CTNND2: variants seen among roughly 807,000 people sequenced by gnomAD.
CTNND2 encodes the protein catenin delta-2.
In CTNND2, 22 loss-of-function variants were observed where a neutral mutation model predicts 144.4. The ratio of observed to expected loss-of-function variants is 0.15; its 90% CI spans 0.11 to 0.22. CTNND2 has a LOEUF of 0.22. CTNND2 is among the 10% of genes least tolerant of loss of function. The pLI, the probability that CTNND2 is intolerant of heterozygous loss-of-function variation, is 1.00. For missense variants in CTNND2, 1,353 were observed against 1,618.8 expected (o/e 0.84, Z 2.82); for synonymous variants, 751 against 695.6 (o/e 1.08, Z -1.25).
chr5:11,111,179 C>T (rs1752928477), intron 13 of CTNND2, 136 bp from the exon 14 acceptor site: 1 of 844,178 alleles, frequency 1.2e-6, no homozygotes, highest in African/African-American at 1.7e-5. Flanking sequence ...TCTGAAAGCT[C>T]CCCTGATGGC....
chr5:11,618,025 G>T (rs906941173), intron 2 of CTNND2, among the ~76,000 whole-genome samples: 8 of 152,096 alleles, frequency 5.3e-5, no homozygotes, highest in Admixed American at 3.9e-4. Context: ...CACGTATTTA[G>T]GACTTTAACA....
chr5:11,865,076 G>A (rs1795694164), intron 1 of CTNND2, among the ~76,000 whole-genome samples: 1 of 151,862 alleles, frequency 6.6e-6, no homozygotes, highest in South Asian at 2.1e-4. Context: ...TGTATTTTTA[G>A]TAGAGACAAG....
chr5:11,419,864 C>T (rs993629167), intron 3 of CTNND2, among the ~76,000 whole-genome samples: 2 of 152,136 alleles, frequency 1.3e-5, no homozygotes, highest in Non-Finnish European at 2.9e-5. Context: ...TTTTGATGCC[C>T]AAAGCATCAG....
At position 11,130,259 on chromosome 5, in the gene CTNND2, AC is replaced by A. The variant is rs34644491; in HGVS notation, c.2160-12693del. On this transcript the variant is annotated intron_variant, in intron 12 of 21. Coordinates refer to ENST00000304623, the MANE Select transcript of CTNND2 (RefSeq NM_001332.4). Reference sequence around the variant, plus strand: ...GCGGTGGTTGCTAGGTTCATACCACACCCCCCCCATCCACCCATAAACGTAA... The same window carrying A: ...GCGGTGGTTGCTAGGTTCATACCACACCCCCCCATCCACCCATAAACGTAA... Among the ~76,000 whole-genome samples, 22 of 149,918 alleles carry A rather than the reference AC, an allele frequency of 1.5e-4. No homozygotes were observed. The South Asian group carries it at 1.7e-3, about 12-fold the overall frequency.
intron 18 of CTNND2, among the ~76,000 whole-genome samples, chr5:11,006,814 C>G (rs138163538): frequency 1.3e-5 from 2 of 152,094 alleles, no homozygotes; most frequent in Non-Finnish European, 2.9e-5. Context: ...GAGGACATTT[C>G]TCAAACATCG....
At chr5:11,375,548 T>C (rs974925140) in intron 7 of CTNND2, among the ~76,000 whole-genome samples, 4 of 152,228 alleles carry the variant, frequency 2.6e-5, no homozygotes, top group East Asian at 3.9e-4. Context: ...TATGTGCATG[T>C]ATATGTTAAA....
rs778573833 is a variant in CTNND2, at chr5:11,117,477, C to A, written c.2250G>T (p.Ala750=). ...TGCTATCGATCTCACTGCTCCCCAG[C>A]GCAGACTGGATCACGTACAGCAAGG... is the stretch of plus-strand genomic sequence containing the variant. ...TDALLYVIQS[A]LGSSEIDSKT... is the part of the protein sequence containing the mutation. Residue 750 remains alanine (A), a synonymous_variant, in exon 13 of 22, where the codon GCG becomes GCT. Coordinates refer to ENST00000304623, the MANE Select transcript of CTNND2 (RefSeq NM_001332.4). 4 of 1,613,970 alleles carry A rather than the reference C, an allele frequency of 2.5e-6. No individual in the cohort carries two copies. The highest frequency in any genetic ancestry group is 1.7e-5 in the Admixed American group (1 of 60,004).
intron 1 of CTNND2, among the ~76,000 whole-genome samples, chr5:11,853,693 C>T (rs976540040): frequency 6.6e-6 from 1 of 152,178 alleles, no homozygotes; most frequent in Non-Finnish European, 1.5e-5. Flanking sequence ...CATTTGGTGC[C>T]AATTGCATCC....
At chr5:11,818,201 G>A (rs1793119893) in intron 1 of CTNND2, among the ~76,000 whole-genome samples, 1 of 151,944 alleles carries the variant, frequency 6.6e-6, no homozygotes, top group Admixed American at 6.6e-5. Flanking sequence ...ATTATGACAT[G>A]TCTAGACATT....
chr5:11,559,234 C>T (rs1174919865), intron 3 of CTNND2, among the ~76,000 whole-genome samples: 1 of 152,124 alleles, frequency 6.6e-6, no homozygotes, highest in Non-Finnish European at 1.5e-5. Flanking sequence ...GTTCTACATG[C>T]TCACAAGTGA....
intron 3 of CTNND2, among the ~76,000 whole-genome samples, chr5:11,512,577 C>G (rs912986922): frequency 6.6e-6 from 1 of 152,216 alleles, no homozygotes; most frequent in Admixed American, 6.5e-5. Context: ...CTTTCTATAT[C>G]TGACACACTC....
intron 2 of CTNND2, among the ~76,000 whole-genome samples, chr5:11,572,907 A>G (rs537880428): frequency 6.6e-6 from 1 of 152,346 alleles, no homozygotes; most frequent in East Asian, 1.9e-4. Context: ...TAATAGAGCA[A>G]AATAACCACT....
intron 9 of CTNND2, among the ~76,000 whole-genome samples, chr5:11,276,345 G>T (rs1746520818): frequency 6.6e-6 from 1 of 152,108 alleles, no homozygotes; most frequent in Non-Finnish European, 1.5e-5. Context: ...CTGTGTCTGG[G>T]GCATCCCCAA....
intron 1 of CTNND2, among the ~76,000 whole-genome samples, chr5:11,839,568 A>G (rs1245621475): frequency 6.6e-6 from 1 of 151,966 alleles, no homozygotes; most frequent in Admixed American, 6.6e-5. Flanking sequence ...GGGGCTGGAG[A>G]CAGCCCACAT....
chr5:11,212,063 T>G (rs1738693693), intron 10 of CTNND2, among the ~76,000 whole-genome samples: 2 of 152,128 alleles, frequency 1.3e-5, no homozygotes, highest in Admixed American at 1.3e-4. Context: ...ATGCACATAT[T>G]TTTTTTTCTT....
At chr5:11,497,519 T>TGGGGGGGGGGGGGGG (rs1234235644) in intron 3 of CTNND2, among the ~76,000 whole-genome samples, 1 of 13,744 alleles carries the variant, frequency 7.3e-5, no homozygotes, top group Non-Finnish European at 1.6e-4. Flanking sequence ...TGCGGGGGGG[T>TGGGGGGGGGGGGGGG]GGGGGGGGGC....
chr5:11,787,007 C>G (rs1319951302), intron 1 of CTNND2, among the ~76,000 whole-genome samples: 3 of 152,192 alleles, frequency 2.0e-5, no homozygotes, highest in Non-Finnish European at 4.4e-5. Context: ...ATCTCATCAG[C>G]AACTTAGGTT....
intron 11 of CTNND2, among the ~76,000 whole-genome samples, chr5:11,183,406 G>T (rs1370487660): frequency 1.3e-5 from 2 of 152,178 alleles, no homozygotes; most frequent in African/African-American, 4.8e-5. Flanking sequence ...GCACGTGATT[G>T]GCTGTGCATA....
chr5:11,536,386 G>A (rs1774220952), intron 3 of CTNND2, among the ~76,000 whole-genome samples: 1 of 152,108 alleles, frequency 6.6e-6, no homozygotes, highest in African/African-American at 2.4e-5. Context: ...TATCTACCCA[G>A]AGGAAAAGAA....
Sources: allele counts gnomAD v4.1 joint callset (sites outside exome capture counted in the v4.1 genomes callset), GRCh38; gene constraint gnomAD v4.1.1; transcripts MANE v1.5; gene names NCBI Gene and HGNC (gene_info 2026-07-23, HGNC 2026-07-21).